Variants in PLPPR1 observed in about 807,000 individuals in gnomAD.
PLPPR1 encodes phospholipid phosphatase-related protein type 1.
A neutral mutation model predicts 33.1 loss-of-function variants in PLPPR1; 10 were observed. The ratio of observed to expected loss-of-function variants is 0.30; its 90% confidence interval spans 0.19 to 0.51. The LOEUF is 0.51. Ranked by LOEUF, PLPPR1 falls within the 20% of genes least tolerant of loss-of-function variation. PLPPR1 has a pLI of 0.97. For synonymous variants in PLPPR1, 151 were observed against 151.0 expected (o/e 1.00, Z 0.00); for missense variants, 304 against 408.1 (o/e 0.74, Z 2.20).
At chr9:101,059,417 G>C (rs1830316949) in intron 1 of PLPPR1, among the ~76,000 whole-genome samples, 1 of 152,028 alleles carries the variant, frequency 6.6e-6, no homozygotes, top group Non-Finnish European at 1.5e-5. Flanking sequence ...TTAAGGATCT[G>C]GTAATTCACC....
chr9:101,144,338 A>G (rs563528408), intron 1 of PLPPR1, among the ~76,000 whole-genome samples: 100 of 152,300 alleles, frequency 6.6e-4, no homozygotes, highest in African/African-American at 2.4e-3. Flanking sequence ...GGTGCAGCAC[A>G]CCAACATGGC....
chr9:101,150,409 G>A (rs892839695), intron 1 of PLPPR1, among the ~76,000 whole-genome samples: 1 of 152,026 alleles, frequency 6.6e-6, no homozygotes, highest in African/African-American at 2.4e-5. Flanking sequence ...TTGTTTATTA[G>A]TTATTCTTGA....
intron 1 of PLPPR1, among the ~76,000 whole-genome samples, chr9:101,047,714 T>C (rs1244953669): frequency 1.3e-5 from 2 of 152,246 alleles, no homozygotes; most frequent in Non-Finnish European, 2.9e-5. Context: ...CCTGTGCTTT[T>C]TAAAAGTGTG....
intron 1 of PLPPR1, among the ~76,000 whole-genome samples, chr9:101,151,955 T>A (rs1831592943): frequency 6.6e-6 from 1 of 152,320 alleles, no homozygotes; most frequent in East Asian, 1.9e-4. Flanking sequence ...TAGTTCTAGA[T>A]CCTTGAGGAA....
rs546114451 is a variant in PLPPR1 at position 101,164,503 on chromosome 9, C to A, written c.-45-20947C>A. Among the ~76,000 whole-genome samples, 17 of 151,860 alleles carry A rather than the reference C, an allele frequency of 1.1e-4. No individual in the cohort carries two copies. The South Asian group carries it at 3.3e-3, about 30-fold the overall frequency. On this transcript the variant is annotated intron_variant, in intron 1 of 7. Transcript: ENST00000374874. ...TCAGCCTCTAGAGTAGCTGGGATTA[C>A]GGGTGCACACCACCATGGACAGCTA...
intron 2 of PLPPR1, among the ~76,000 whole-genome samples, chr9:101,193,055 C>G (rs971249083): frequency 6.6e-6 from 1 of 152,090 alleles, no homozygotes; most frequent in Non-Finnish European, 1.5e-5. Flanking sequence ...AGTGAGGGTT[C>G]CTCTGTTCTT....
chr9:101,066,923 A>G (rs1830425172), intron 1 of PLPPR1, among the ~76,000 whole-genome samples: 1 of 151,950 alleles, frequency 6.6e-6, no homozygotes, highest in South Asian at 2.1e-4. Context: ...ACACTTACCT[A>G]CCATTTATTG....
intron 1 of PLPPR1, among the ~76,000 whole-genome samples, chr9:101,062,802 AAGTGC>A (rs1830362990): frequency 1.3e-5 from 2 of 152,206 alleles, no homozygotes; most frequent in South Asian, 4.1e-4. Flanking sequence ...CATATGGTGT[AAGTGC>A]TTGTGTTGTC....
chr9:101,249,097 T>G (rs1051438710), intron 2 of PLPPR1, among the ~76,000 whole-genome samples: 1 of 152,062 alleles, frequency 6.6e-6, no homozygotes, highest in East Asian at 1.9e-4. Flanking sequence ...CCAACACTAT[T>G]AGGTGACAGA....
intron 2 of PLPPR1, among the ~76,000 whole-genome samples, chr9:101,239,923 G>T (rs2118844194): frequency 6.6e-6 from 1 of 152,022 alleles, no homozygotes; most frequent in Non-Finnish European, 1.5e-5. Context: ...TCTATTATTT[G>T]TTGTTGTTGC....
chr9:101,282,998 A>G (rs1332779181), intron 3 of PLPPR1, among the ~76,000 whole-genome samples: 1 of 152,172 alleles, frequency 6.6e-6, no homozygotes, highest in Non-Finnish European at 1.5e-5. Flanking sequence ...TGCTACCAAA[A>G]TATCAATGAT....
chr9:101,238,142 C>CAT (rs1264012375), intron 2 of PLPPR1, among the ~76,000 whole-genome samples: 4 of 136,138 alleles, frequency 2.9e-5, no homozygotes, highest in Admixed American at 1.5e-4. Context: ...CATATACACA[C>CAT]ATATATATAC....
chr9:101,159,607 A>G (rs1564161666), intron 1 of PLPPR1, among the ~76,000 whole-genome samples: 1 of 152,156 alleles, frequency 6.6e-6, no homozygotes, highest in Admixed American at 6.5e-5. Flanking sequence ...TAAATGTTCT[A>G]TGAAGGAATA....
chr9:101,303,728 A>G (rs1477690643), intron 4 of PLPPR1, among the ~76,000 whole-genome samples: 1 of 152,228 alleles, frequency 6.6e-6, no homozygotes, highest in African/African-American at 2.4e-5. Flanking sequence ...ACTGTTGGCA[A>G]TTTAATCCAG....
intron 5 of PLPPR1, among the ~76,000 whole-genome samples, chr9:101,310,910 A>T (rs1353105172): frequency 2.0e-5 from 3 of 152,200 alleles, no homozygotes; most frequent in African/African-American, 7.2e-5. Flanking sequence ...TACAAAACAG[A>T]TTATAGCTCA....
At chr9:101,200,518 A>G (rs1826473394) in intron 2 of PLPPR1, among the ~76,000 whole-genome samples, 1 of 152,274 alleles carries the variant, frequency 6.6e-6, no homozygotes, top group Non-Finnish European at 1.5e-5. Context: ...TTTGAAGGAT[A>G]GAGGGCTAAA....
chr9:101,309,616 C>A (rs1434499968), intron 5 of PLPPR1, among the ~76,000 whole-genome samples, 155 bp downstream of exon 5: 5 of 151,998 alleles, frequency 3.3e-5, no homozygotes, highest in Admixed American at 3.3e-4. Context: ...CTAGCCCCCC[C>A]ACACACACAC....
chr9:101,201,267 G>A (rs1193655159), intron 2 of PLPPR1, among the ~76,000 whole-genome samples: 1 of 152,096 alleles, frequency 6.6e-6, no homozygotes, highest in East Asian at 1.9e-4. Flanking sequence ...TACCACTTTG[G>A]CCATTAAGTT....
At chr9:101,073,076 A>G (rs1830499246) in intron 1 of PLPPR1, among the ~76,000 whole-genome samples, 1 of 152,214 alleles carries the variant, frequency 6.6e-6, no homozygotes, top group Non-Finnish European at 1.5e-5. Context: ...TTATGCAGAT[A>G]AAACAAAGAC....
Sources: gnomAD v4.1 joint callset for allele counts (sites outside exome capture counted in the v4.1 genomes callset) on GRCh38, gnomAD v4.1.1 for gene constraint, MANE v1.5 for transcripts, NCBI Gene and HGNC (gene_info 2026-07-23, HGNC 2026-07-21) for gene names.